Variants in KCNJ5 observed in about 807,000 individuals in gnomAD.
KCNJ5 encodes G protein-activated inward rectifier potassium channel 4.
A neutral mutation model predicts 20.2 loss-of-function variants in KCNJ5; 12 were observed. The ratio of observed to expected loss-of-function variants is 0.59; its 90% CI spans 0.38 to 0.96. The LOEUF (loss-of-function observed/expected upper bound fraction) is 0.96, where lower values mean the gene tolerates loss of function less well. KCNJ5 is among the 40% of genes least tolerant of loss of function. KCNJ5 has a pLI of 0.00. For synonymous variants in KCNJ5, 210 were observed against 213.9 expected (o/e 0.98, Z 0.16); for missense variants, 449 against 557.6 (o/e 0.81, Z 1.96).
In KCNJ5 at chr11:128,918,038, G is replaced by C. The variant is rs1169601632; in HGVS notation, c.*1307G>C. On this transcript the variant is annotated 3_prime_UTR_variant, in exon 3 of 3. Coordinates refer to ENST00000529694, the MANE Select transcript of KCNJ5 (RefSeq NM_000890.5). ...CCACTGCACTCCAGCCTGGGCGACA[G>C]AGCGAGACTCCATCTCAAAAAAAAA... The C allele has an allele frequency of 6.8e-6, 1 of 146,884 alleles. No individual in the cohort carries two copies. The highest frequency in any genetic ancestry group is 1.5e-5 in the Non-Finnish European group (1 of 67,860). 9.1% of individuals were successfully genotyped at this position (146,884 alleles called of 1,614,324 possible).
intron 1 of KCNJ5, among the ~76,000 whole-genome samples, chr11:128,895,730 G>T (rs982083805): frequency 6.6e-6 from 1 of 152,238 alleles, no homozygotes; most frequent in African/African-American, 2.4e-5. Flanking sequence ...GCCTGGGGGC[G>T]GGCAGAGCTG....
At chr11:128,893,446 TA>T (rs1565541366) in intron 1 of KCNJ5, among the ~76,000 whole-genome samples, 2 of 149,522 alleles carry the variant, frequency 1.3e-5, no homozygotes, top group South Asian at 4.2e-4. Flanking sequence ...AAAAAAGAAA[TA>T]AAAAAGAAAA....
chr11:128,911,124 G>C lies in KCNJ5; in HGVS notation c.-10-140G>C, dbSNP rs2135998223. 1 of 703,250 alleles carries C rather than the reference G, an allele frequency of 1.4e-6. No homozygotes were observed. The highest frequency in any genetic ancestry group is 2.7e-5 in the East Asian group (1 of 37,166). 43.6% of individuals were successfully genotyped at this position (703,250 alleles called of 1,614,324 possible). ...AACCCTATAAGAGAGTGAGGCCCCT[G>C]CCCTTGAGGATTTCACGCCCTGACC... On this transcript the variant is annotated intron_variant, in intron 1 of 2. Transcript: ENST00000529694. This position sits in a 1 kb window ranked among gnomAD's most constrained non-coding sequence, Gnocchi z 6.3.
Position 128,891,419 on chromosome 11 carries a change from CACACACACACACACACACACACAG to C in KCNJ5, c.-311_-288del, listed in dbSNP as rs1440060764. The C allele has an allele frequency of 5.3e-5, 6 of 112,332 alleles. No homozygotes were observed. Among genetic ancestry groups the C allele is most frequent in the Non-Finnish European group, 8.9e-5 (5 of 56,402 alleles). The allele number at this position is 112,332 out of a possible 1,614,324, so 7.0% of individuals were successfully genotyped here. ...GGGGACACACACACACACACACACA[CACACACACACACACACACACACAG>C]AGAGAGAGAGAGAGAGAGAGAGAGA... On this transcript the variant is annotated 5_prime_UTR_variant, in exon 1 of 3. Transcript: ENST00000529694.
intron 1 of KCNJ5, among the ~76,000 whole-genome samples, chr11:128,896,852 T>C (rs975791331): frequency 5.9e-5 from 9 of 152,200 alleles, no homozygotes; most frequent in African/African-American, 9.7e-5. Flanking sequence ...CCCAGAAGTG[T>C]AATTGATGGG....
At chr11:128,914,910 C>T (rs1343656712) in intron 2 of KCNJ5, among the ~76,000 whole-genome samples, 4 of 152,192 alleles carry the variant, frequency 2.6e-5, no homozygotes, top group Middle Eastern at 3.4e-3. Context: ...GCTCAGGGCC[C>T]GGTTTGGGCC....
At chr11:128,913,796 A>C (rs1021298777) in intron 2 of KCNJ5, among the ~76,000 whole-genome samples, 1 of 152,202 alleles carries the variant, frequency 6.6e-6, no homozygotes, top group Non-Finnish European at 1.5e-5. Context: ...TTCCACTTAC[A>C]AATCTGGAGC....
chr11:128,894,829 A>G (rs1483334515), intron 1 of KCNJ5, among the ~76,000 whole-genome samples: 1 of 152,222 alleles, frequency 6.6e-6, no homozygotes, highest in Non-Finnish European at 1.5e-5. Context: ...TAAGGGAGCT[A>G]TTCTAGTCAA....
At chr11:128,897,556 T>C (rs1214341922) in intron 1 of KCNJ5, among the ~76,000 whole-genome samples, 1 of 152,348 alleles carries the variant, frequency 6.6e-6, no homozygotes, top group East Asian at 1.9e-4. Context: ...TACCAGTCCT[T>C]TGTCAGTCAG....
intron 1 of KCNJ5, chr11:128,900,912 C>T (rs1944263596): frequency 6.6e-6 from 1 of 152,244 alleles, no homozygotes; most frequent in African/African-American, 2.4e-5. Context: ...TATATCTGCT[C>T]TTAACCTATA....
chr11:128,898,599 A>C (rs1944213270), intron 1 of KCNJ5, among the ~76,000 whole-genome samples: 1 of 151,900 alleles, frequency 6.6e-6, no homozygotes, highest in Admixed American at 6.6e-5. Flanking sequence ...ATCCACTTAC[A>C]CTTCACTTTG....
chr11:128,913,150 C>T (rs572205732), intron 2 of KCNJ5, among the ~76,000 whole-genome samples: 155 of 152,342 alleles, frequency 1.0e-3, no homozygotes, highest in African/African-American at 3.4e-3. Context: ...TCACCAACCC[C>T]TTACTTGGAG....
chr11:128,914,518 G>A (rs1944548840), intron 2 of KCNJ5, among the ~76,000 whole-genome samples: 2 of 152,222 alleles, frequency 1.3e-5, no homozygotes, highest in Admixed American at 1.3e-4. Context: ...TGTCCTGGAT[G>A]TGGGTGGTTT....
intron 2 of KCNJ5, among the ~76,000 whole-genome samples, chr11:128,913,040 C>T (rs1471197035): frequency 3.3e-5 from 5 of 152,210 alleles, no homozygotes; most frequent in East Asian, 3.8e-4. Context: ...GAAACAAAAG[C>T]GAACTGGTTT....
intron 2 of KCNJ5, among the ~76,000 whole-genome samples, chr11:128,914,405 G>C (rs991584630): frequency 6.6e-6 from 1 of 152,074 alleles, no homozygotes; most frequent in Non-Finnish European, 1.5e-5. Flanking sequence ...TTGTCCTCAC[G>C]GTTTGGCCTC....
intron 2 of KCNJ5, among the ~76,000 whole-genome samples, chr11:128,914,469 A>G (rs954474792): frequency 6.6e-6 from 1 of 152,122 alleles, no homozygotes; most frequent in African/African-American, 2.4e-5. Flanking sequence ...ACTGTAGGGG[A>G]GATCCAGGGA....
intron 1 of KCNJ5, chr11:128,902,797 C>A (rs554948616): frequency 6.9e-7 from 1 of 1,442,670 alleles, no homozygotes; most frequent in South Asian, 1.4e-5. Flanking sequence ...TAACTCACAA[C>A]GCAGCCCAAC....
At chr11:128,912,716 G>A (rs1019011190) in intron 2 of KCNJ5, among the ~76,000 whole-genome samples, 2 of 152,060 alleles carry the variant, frequency 1.3e-5, no homozygotes, top group East Asian at 1.9e-4. Context: ...TCACCATGTC[G>A]GCCAGGTTGG....
At chr11:128,900,076 T>C (rs1389969548) in intron 1 of KCNJ5, 1 of 152,210 alleles carries the variant, frequency 6.6e-6, no homozygotes, top group East Asian at 1.9e-4. Context: ...CTATATTCCA[T>C]ACCTTGAATC....
Sources: gnomAD v4.1 joint callset for allele counts (sites outside exome capture counted in the v4.1 genomes callset) on GRCh38, gnomAD v4.1.1 for gene constraint, Gnocchi (gnomAD v3.1) non-coding constraint, MANE v1.5 for transcripts, NCBI Gene and HGNC (gene_info 2026-07-23, HGNC 2026-07-21) for gene names.